The following SLC26A5 variants were observed in gnomAD, a reference collection of about 807,000 sequenced individuals.
The protein encoded by SLC26A5 is prestin.
Under a neutral mutation model 81.0 loss-of-function variants are expected in SLC26A5, and 51 were observed. That is an observed-to-expected ratio of 0.63 (90% CI 0.50 to 0.80). The LOEUF (loss-of-function observed/expected upper bound fraction) is 0.80, where lower values mean the gene tolerates loss of function less well. Among genes scored for constraint, SLC26A5 ranks in the 30% least tolerant of loss-of-function variants. The pLI, the probability that SLC26A5 is intolerant of heterozygous loss-of-function variation, is 0.00. For synonymous variants in SLC26A5, 325 were observed against 332.8 expected (o/e 0.98, Z 0.25); for missense variants, 771 against 905.8 (o/e 0.85, Z 1.91).
At chr7:103,424,366 C>T (rs73175865) in intron 2 of SLC26A5, among the ~76,000 whole-genome samples, 14,438 of 152,096 alleles carry the variant, frequency 0.095, 684 homozygotes, top group Admixed American at 0.1. Flanking sequence ...TTCTTTGAGA[C>T]AATATCATAC....
chr7:103,361,336 TAA>T (rs1170508055), intron 19 of SLC26A5, among the ~76,000 whole-genome samples: 18 of 120,794 alleles, frequency 1.5e-4, no homozygotes, highest in Admixed American at 2.6e-4. Flanking sequence ...CCCTCTCTAC[TAA>T]AAAAAAAAAA....
At chr7:103,411,786 A>G (rs1405561907) in intron 5 of SLC26A5, among the ~76,000 whole-genome samples, 200 bp from the exon 6 acceptor site, 3 of 152,222 alleles carry the variant, frequency 2.0e-5, no homozygotes, top group African/African-American at 7.2e-5. Flanking sequence ...TTTTCCAAAA[A>G]TAGACATAGC....
intron 14 of SLC26A5, 100 bp from the exon 15 acceptor site, chr7:103,380,649 A>C (rs558219662): frequency 9.6e-7 from 1 of 1,045,784 alleles, no homozygotes; most frequent in East Asian, 2.4e-5. Context: ...TTGCTGGTGC[A>C]TTTGGGAATG....
chr7:103,364,883 T>C (rs992171619), intron 19 of SLC26A5, among the ~76,000 whole-genome samples: 1 of 150,582 alleles, frequency 6.6e-6, no homozygotes, highest in Non-Finnish European at 1.5e-5. Flanking sequence ...AAAAGTATAC[T>C]TTTACTTCAG....
Position 103,391,680 on chromosome 7 carries a change from GA to G in SLC26A5, c.1174del (p.Ser392GlnfsTer28). 1 of 1,614,162 alleles carries G rather than the reference GA, an allele frequency of 6.2e-7. No individual in the cohort carries two copies. ...GCTTCGAGACAAGGAGCATGAAATTGAAAAGGTCTGGAAGAGTGAGCCAATG... is the reference window on the plus strand; with the variant it reads ...GCTTCGAGACAAGGAGCATGAAATTGAAAGGTCTGGAAGAGTGAGCCAATG... ...NSIGSLFQTF[S>X]ISCSLSRSLV... On this transcript the variant is annotated frameshift_variant, in exon 11 of 20. Coordinates refer to ENST00000306312, the MANE Select transcript of SLC26A5 (RefSeq NM_198999.3). LOFTEE classifies it high-confidence loss of function.
intron 8 of SLC26A5, among the ~76,000 whole-genome samples, chr7:103,405,409 T>A (rs1823964321): frequency 6.6e-6 from 1 of 152,362 alleles, no homozygotes; most frequent in African/African-American, 2.4e-5. Flanking sequence ...TATTCCTTTC[T>A]GTTTGTTAGT....
intron 14 of SLC26A5, among the ~76,000 whole-genome samples, chr7:103,386,494 T>C (rs1822206775): frequency 6.6e-6 from 1 of 151,176 alleles, no homozygotes; most frequent in South Asian, 2.1e-4. Context: ...ACCCAGGAGG[T>C]GGAGGTTGCA....
chr7:103,411,469 A>G lies in SLC26A5; in HGVS notation c.521T>C (p.Leu174Ser). Reference protein sequence around the residue: ...ATNGTEARDALRVKVAMSVTL... With the variant: ...ATNGTEARDASRVKVAMSVTL... The stretch of plus-strand genomic sequence containing the variant: ...CACAGACATGGCGACTTTCACTCTC[A>G]AGGCATCTCTGGCCTCTGTGCCATT... Residue 174 changes from leucine to serine, a missense_variant, in exon 6 of 20, where the codon TTG (leucine) becomes TCG (serine). Physicochemically the swap from Leu to Ser is moderately radical, Grantham distance 145. Transcript: ENST00000306312. 1.9e-6 allele frequency: 3 copies of G among 1,614,172 alleles called. No individual in the cohort carries two copies. The highest frequency in any genetic ancestry group is 2.5e-6 in the Non-Finnish European group (3 of 1,180,016).
rs200013738 is a variant in SLC26A5, at chr7:103,376,841, C to T, written c.2008G>A (p.Val670Ile). 129 of 1,603,132 alleles carry T rather than the reference C, an allele frequency of 8.0e-5. No homozygotes were observed. The highest frequency in any genetic ancestry group is 9.7e-5 in the Non-Finnish European group (113 of 1,170,548). ...CCTGCTAAGTATACATATATACCGA[C>T]GTCTCCATATTCTTTTACAATCTGT... is the stretch of plus-strand genomic sequence containing the variant. ...LAGIVKEYGD[V>I]GIYVYLAGCS... Residue 670 changes from valine (V) to isoleucine (I), a missense_variant, in exon 19 of 20, where the codon GTC becomes ATC. By Grantham distance (29) the Val-to-Ile change is conservative (BLOSUM62 3). Coordinates refer to ENST00000306312, the MANE Select transcript of SLC26A5 (RefSeq NM_198999.3).
chr7:103,400,194 A>G (rs934629569), intron 8 of SLC26A5, among the ~76,000 whole-genome samples: 2 of 152,214 alleles, frequency 1.3e-5, no homozygotes, highest in African/African-American at 4.8e-5. Context: ...CCAACAGTGT[A>G]AAAGCATTCC....
chr7:103,371,326 CTT>C (rs770416053), downstream of SLC26A5, among the ~76,000 whole-genome samples: 8 of 142,742 alleles, frequency 5.6e-5, no homozygotes, highest in East Asian at 2.0e-4. Context: ...TTATACACTA[CTT>C]TTTTTTTTTT....
At chr7:103,405,868 T>A (rs1316982949) in intron 8 of SLC26A5, among the ~76,000 whole-genome samples, 2 of 152,174 alleles carry the variant, frequency 1.3e-5, no homozygotes, top group Non-Finnish European at 2.9e-5. Flanking sequence ...CTTTCAGAGA[T>A]GCCCTGCCCA....
intron 8 of SLC26A5, 41 bp downstream of exon 8, chr7:103,407,810 G>A (rs955922816): frequency 6.2e-7 from 1 of 1,609,646 alleles, no homozygotes; most frequent in South Asian, 1.1e-5. Context: ...AGTAAATGCA[G>A]TTGTAGAAGC....
intron 7 of SLC26A5, among the ~76,000 whole-genome samples, chr7:103,408,765 A>G (rs1205777943): frequency 1.3e-5 from 2 of 152,140 alleles, no homozygotes; most frequent in Non-Finnish European, 2.9e-5. Flanking sequence ...AAAGGAACCT[A>G]GGAGAACTAG....
Position 103,378,467 on chromosome 7 carries a change from G to C in SLC26A5, c.1764C>G (p.Ala588=). The change falls in exon 17 of 20, where the codon GCC becomes GCG. Residue 588 remains alanine (A), a synonymous_variant. Coordinates refer to ENST00000306312, the MANE Select transcript of SLC26A5 (RefSeq NM_198999.3). ...YAKEVGNANM[A]NATVVKADAE... ...TCACTGCTTTGACAACAGTTGCGTT[G>C]GCCATATTTGCATTTCCGACTTCCT... is the stretch of plus-strand genomic sequence containing the variant. 6.2e-7 allele frequency: 1 copy of C among 1,614,024 alleles called. No homozygotes were observed. The highest frequency in any genetic ancestry group is 8.5e-7 in the Non-Finnish European group (1 of 1,179,944).
At chr7:103,353,204 T>C (rs994173772) in intron 19 of SLC26A5, among the ~76,000 whole-genome samples, 2 of 152,186 alleles carry the variant, frequency 1.3e-5, no homozygotes, top group African/African-American at 4.8e-5. Context: ...TATATGCACA[T>C]TATATCCTTT....
intron 8 of SLC26A5, among the ~76,000 whole-genome samples, chr7:103,404,801 G>A (rs186879671): frequency 7.9e-5 from 12 of 152,142 alleles, no homozygotes; most frequent in African/African-American, 2.4e-4. Context: ...CATTCTCCCC[G>A]TCACTTTCAG....
chr7:103,443,089 C>T lies in SLC26A5; in HGVS notation c.-60G>A, dbSNP rs1471673914. The T allele has an allele frequency of 6.6e-6, 1 of 152,292 alleles. No homozygotes were observed. The highest frequency in any genetic ancestry group is 2.4e-5 in the African/African-American group (1 of 41,458). The allele number at this position is 152,292 out of a possible 1,614,324, so 9.4% of individuals were successfully genotyped here. On this transcript the variant is annotated 5_prime_UTR_variant, in exon 2 of 20. Coordinates refer to ENST00000306312, the MANE Select transcript of SLC26A5 (RefSeq NM_198999.3). ...CAGGGGGCCGTCTACTTACCCAGAT[C>T]CAATGTGCAGCACAAAAGTCGGGAC...
Position 103,421,584 on chromosome 7 carries a change from A to G in SLC26A5, c.-53-17T>C. ...TGAGTGTCACTAGGGGAAAAAAGAA[A>G]AACTCCATTTTACTTGCCAAAATCC... On this transcript the variant is annotated splice_polypyrimidine_tract_variant and intron_variant, in intron 2 of 19. Transcript: ENST00000306312. The G allele has an allele frequency of 6.5e-7, 1 of 1,548,306 alleles. No homozygotes were observed. The highest frequency in any genetic ancestry group is 1.1e-5 in the South Asian group (1 of 89,562).
Sources: allele counts gnomAD v4.1 joint callset (sites outside exome capture counted in the v4.1 genomes callset), GRCh38; gene constraint gnomAD v4.1.1; transcripts MANE v1.5; gene names NCBI Gene and HGNC (gene_info 2026-07-23, HGNC 2026-07-21).